DENND2B: variants seen among roughly 807,000 people sequenced by gnomAD.
DENND2B encodes the protein DENN domain-containing protein 2B.
DENND2B carries 32 observed loss-of-function variants against 116.0 expected under a neutral mutation model. The observed-to-expected ratio is 0.28, with a 90% confidence interval of 0.21 to 0.37. The LOEUF is 0.37. DENND2B is among the 10% of genes least tolerant of loss of function. DENND2B has a pLI of 1.00. For missense variants in DENND2B, 1,276 were observed against 1,477.7 expected (o/e 0.86, Z 2.24); for synonymous variants, 588 against 583.9 (o/e 1.01, Z -0.10).
rs80010688 is a variant in DENND2B, at chr11:8,730,199, G to A, written c.1091C>T (p.Thr364Ile). The A allele has an allele frequency of 5.6e-4, 910 of 1,613,686 alleles. 4 individuals are homozygous for A. In the African/African-American group the frequency reaches 8.7e-3, roughly 15 times the overall value. The part of the protein sequence containing the change: ...REGSGSTKPG[T>I]PGNSPSSQRL... ...CTGGGAGCTAGGGCTATTTCCAGGG[G>A]TCCCGGGCTTAGTGGAACCACTGCC... The change falls in exon 3 of 20, where the codon ACC becomes ATC. Residue 364 changes from threonine (T) to isoleucine (I), a missense_variant. Thr to Ile is a moderately conservative substitution (Grantham distance 89, BLOSUM62 -1). Coordinates refer to ENST00000313726, the MANE Select transcript of DENND2B (RefSeq NM_213618.2). The surrounding 1 kb of genome is among the most constrained non-coding windows in gnomAD (Gnocchi z 4.1).
Position 8,806,605 on chromosome 11 carries a change from A to AAAACACACACACACACACAC in DENND2B, c.-26+3911_-26+3912insGTGTGTGTGTGTGTGTGTTT, listed in dbSNP as rs372362474. On this transcript the variant is annotated intron_variant, in intron 1 of 19. Coordinates refer to ENST00000313726, the MANE Select transcript of DENND2B (RefSeq NM_213618.2). ...ATTTAACACCCTCCTCTCCCTTCAAAACACACACACACACACACACACACA... is the reference window on the plus strand; with the variant it reads ...ATTTAACACCCTCCTCTCCCTTCAAAAAACACACACACACACACACACACACACACACACACACACACACA... Among the ~76,000 whole-genome samples, 135 of 118,576 alleles carry AAAACACACACACACACACAC rather than the reference A, an allele frequency of 1.1e-3. 1 individual carries two copies. In the Middle Eastern group the frequency reaches 0.023, roughly 21 times the overall value. The allele number at this position is 118,576 out of a possible 152,430, so 77.8% of individuals were successfully genotyped here.
intron 2 of DENND2B, 49 bp from the exon 3 acceptor site, chr11:8,731,258 G>A (rs1014042046): frequency 1.4e-6 from 2 of 1,437,616 alleles, no homozygotes; most frequent in African/African-American, 2.9e-5. Context: ...GGCAGTGAGT[G>A]GCTGACCAAC....
chr11:8,729,298 G>A (rs992341048), intron 3 of DENND2B, among the ~76,000 whole-genome samples: 1 of 152,176 alleles, frequency 6.6e-6, no homozygotes, highest in Non-Finnish European at 1.5e-5. Flanking sequence ...AGTTACCGGG[G>A]AGACAGCCCT....
chr11:8,873,906 A>G (rs1004291732), upstream of DENND2B, among the ~76,000 whole-genome samples: 3 of 152,240 alleles, frequency 2.0e-5, no homozygotes, highest in African/African-American at 7.2e-5. Context: ...GATCATTAGC[A>G]TTAGCCAGCT....
In DENND2B at chr11:8,744,966, G is replaced by C. The variant is rs146496156; in HGVS notation, c.80+5655C>G. 1.5e-4 allele frequency among the ~76,000 whole-genome samples: 22 copies of C among 150,306 alleles called. 1 individual carries two copies. The highest frequency in any genetic ancestry group is 1.9e-4 in the Non-Finnish European group (13 of 67,830). On this transcript the variant is annotated intron_variant, in intron 2 of 19. Coordinates refer to ENST00000313726, the MANE Select transcript of DENND2B (RefSeq NM_213618.2). ...AGACAGGGTTTCAGTCTATGCCCAA[G>C]CTGAAGTGCAGTACAATCTTGGCTC... is the stretch of plus-strand genomic sequence containing the variant.
Position 8,708,337 on chromosome 11 carries a change from AAG to A in DENND2B, c.2353-485_2353-484del, listed in dbSNP as rs760291435. 8.1e-6 allele frequency: 8 copies of A among 985,388 alleles called. 1 individual carries two copies. In the Admixed American group the frequency reaches 3.7e-4, roughly 45 times the overall value. 61.0% of individuals were successfully genotyped at this position (985,388 alleles called of 1,614,324 possible). A position where few individuals can be genotyped will look rare whatever the true frequency, so the allele number is the denominator to read the frequency against. ...CCCTTTCTTGATCCACCTCCATTCT[AAG>A]AGAGCAAACTGAAAACAAGAGATGG... On this transcript the variant is annotated intron_variant, in intron 11 of 19. Coordinates refer to ENST00000313726, the MANE Select transcript of DENND2B (RefSeq NM_213618.2).
At chr11:8,784,204 A>T (rs2058669702) in intron 1 of DENND2B, 1 of 151,600 alleles carries the variant, frequency 6.6e-6, no homozygotes, top group African/African-American at 2.4e-5. Flanking sequence ...ACTATGATAA[A>T]GAAGGTAACC....
intron 4 of DENND2B, among the ~76,000 whole-genome samples, chr11:8,824,774 C>A (rs887054279): frequency 2.0e-5 from 3 of 151,732 alleles, no homozygotes; most frequent in African/African-American, 7.3e-5. Flanking sequence ...CTGCAGCCAC[C>A]ACCTCTCAGA....
chr11:8,771,486 C>A (rs1257042822), intron 1 of DENND2B, among the ~76,000 whole-genome samples: 1 of 145,960 alleles, frequency 6.9e-6, no homozygotes, highest in Non-Finnish European at 1.5e-5. Context: ...ATATAGATAT[C>A]TCTCTACATA....
intron 1 of DENND2B, among the ~76,000 whole-genome samples, chr11:8,754,210 G>A (rs147588597): frequency 2.0e-5 from 3 of 151,974 alleles, no homozygotes; most frequent in Non-Finnish European, 4.4e-5. Context: ...AATATATAAA[G>A]AATTCTTTCA....
intron 1 of DENND2B, among the ~76,000 whole-genome samples, chr11:8,761,418 C>T (rs1400877301): frequency 6.6e-5 from 10 of 152,178 alleles, no homozygotes; most frequent in African/African-American, 1.7e-4. Context: ...TGCCCTCTTT[C>T]GCTCTGGCAA....
chr11:8,707,979 G>T lies in DENND2B; in HGVS notation c.2353-125C>A. The stretch of plus-strand genomic sequence containing the variant: ...CCCTTCTAGTGGAGGAAGACTTTAA[G>T]CCTCCTCTAAACCTCTCTGCAACCA... On this transcript the variant is annotated intron_variant, in intron 11 of 19. Coordinates refer to ENST00000313726, the MANE Select transcript of DENND2B (RefSeq NM_213618.2). This position sits in a 1 kb window ranked among gnomAD's most constrained non-coding sequence, Gnocchi z 4.8. The T allele has an allele frequency of 6.5e-7, 1 of 1,533,282 alleles. No individual in the cohort carries two copies. The highest frequency in any genetic ancestry group is 8.7e-7 in the Non-Finnish European group (1 of 1,144,792). The allele number at this position is 1,533,282 out of a possible 1,614,324, so 95.0% of individuals were successfully genotyped here. A position where few individuals can be genotyped will look rare whatever the true frequency, so the allele number is the denominator to read the frequency against.
chr11:8,889,032 A>G (rs1402519488), intron 1 of DENND2B, among the ~76,000 whole-genome samples: 2 of 152,214 alleles, frequency 1.3e-5, no homozygotes, highest in Admixed American at 1.3e-4. Flanking sequence ...ATTCTGCAAA[A>G]AGTTATAAAT....
intron 19 of DENND2B, among the ~76,000 whole-genome samples, 187 bp from the exon 20 acceptor site, chr11:8,694,317 A>C (rs1401233376): frequency 6.6e-6 from 1 of 152,178 alleles, no homozygotes; most frequent in Non-Finnish European, 1.5e-5. Context: ...GGTATTAATC[A>C]CTGTGTGGTT....
chr11:8,863,326 G>A (rs1187858147), intron 2 of DENND2B, among the ~76,000 whole-genome samples: 6 of 47,182 alleles, frequency 1.3e-4, no homozygotes, highest in Admixed American at 2.3e-4. Context: ...GCACGATCTC[G>A]GCTCACTGCA....
At chr11:8,795,620 C>T (rs2059748996) in intron 1 of DENND2B, among the ~76,000 whole-genome samples, 1 of 152,162 alleles carries the variant, frequency 6.6e-6, no homozygotes, top group Non-Finnish European at 1.5e-5. Context: ...TTTTGAGGGA[C>T]TGGAATATCA....
At chr11:8,885,701 A>G (rs2134734380) in intron 1 of DENND2B, among the ~76,000 whole-genome samples, 1 of 152,354 alleles carries the variant, frequency 6.6e-6, no homozygotes, top group East Asian at 1.9e-4. Flanking sequence ...TATGCCACTT[A>G]ACTGAATATT....
chr11:8,764,018 G>A (rs905475902), intron 1 of DENND2B, among the ~76,000 whole-genome samples: 1 of 152,088 alleles, frequency 6.6e-6, no homozygotes, highest in Non-Finnish European at 1.5e-5. Flanking sequence ...GAGGTCAGGA[G>A]TTTGAGACCA....
chr11:8,695,864 ATGT>A (rs748371770), intron 18 of DENND2B: 23 of 411,934 alleles, frequency 5.6e-5, no homozygotes, highest in African/African-American at 4.6e-4. Context: ...CAACTCTACC[ATGT>A]TGTTCCAAAA....
Sources: gnomAD v4.1 joint callset for allele counts (sites outside exome capture counted in the v4.1 genomes callset) on GRCh38, gnomAD v4.1.1 for gene constraint, Gnocchi (gnomAD v3.1) non-coding constraint, MANE v1.5 for transcripts, NCBI Gene and HGNC (gene_info 2026-07-23, HGNC 2026-07-21) for gene names.